The following BRMS1 variants were observed in gnomAD, a reference collection of about 807,000 sequenced individuals.
BRMS1 encodes the protein BRMS1 transcriptional repressor and anoikis regulator, also known as breast cancer metastasis-suppressor 1.
Under a neutral mutation model 40.4 loss-of-function variants are expected in BRMS1, and 26 were observed. The observed-to-expected ratio is 0.64, with a 90% CI of 0.47 to 0.89. BRMS1 has a LOEUF of 0.89. BRMS1 is among the 40% of genes least tolerant of loss of function. BRMS1 has a pLI of 0.00. For missense variants in BRMS1, 289 were observed against 309.4 expected (o/e 0.93, Z 0.49); for synonymous variants, 103 against 116.0 (o/e 0.89, Z 0.72).
chr11:66,340,966 C>T lies in BRMS1; in HGVS notation c.438+1G>A, dbSNP rs771116561. The stretch of plus-strand genomic sequence containing the variant: ...CCCCCAGTGTGCCCAATCAGGCCCA[C>T]CTCCAGGTGCTGTTTGGCTCCCTGC... On this transcript the variant is annotated splice_donor_variant, in intron 5 of 9. Transcript: ENST00000359957. LOFTEE classifies it high-confidence loss of function. 5.0e-6 allele frequency: 8 copies of T among 1,614,132 alleles called. No individual in the cohort carries two copies. In the South Asian group the frequency reaches 8.8e-5, roughly 18 times the overall value.
chr11:66,344,590 C>T (rs1291752550), intron 1 of BRMS1: 1 of 152,228 alleles, frequency 6.6e-6, no homozygotes, highest in Admixed American at 6.5e-5. Context: ...CCCACCTTAC[C>T]CCGGGTGCAA....
chr11:66,338,679 C>A (rs755263656), intron 8 of BRMS1, 42 bp downstream of exon 8: 5 of 1,613,416 alleles, frequency 3.1e-6, no homozygotes, highest in Non-Finnish European at 4.2e-6. Context: ...GGGTGGGGGG[C>A]CCTGAGGTGG....
intron 7 of BRMS1, 116 bp downstream of exon 7, chr11:66,340,005 A>G: frequency 2.6e-6 from 2 of 774,052 alleles, no homozygotes; most frequent in Non-Finnish European, 4.3e-6. Context: ...GACACCAAGC[A>G]ACCACGAGTG....
chr11:66,338,587 G>C (rs755065240), intron 8 of BRMS1, 134 bp downstream of exon 8: 24 of 1,562,134 alleles, frequency 1.5e-5, no homozygotes, highest in Admixed American at 7.6e-5. Flanking sequence ...AGCCAACTGC[G>C]ATCCAGGGAC....
Position 66,341,657 on chromosome 11 carries a change from G to A in BRMS1, c.140-34C>T, listed in dbSNP as rs1327967740. On this transcript the variant is annotated intron_variant, in intron 2 of 9. Transcript: ENST00000359957. This position sits in a 1 kb window ranked among gnomAD's most constrained non-coding sequence, Gnocchi z 4.9. ...AGAGGCCAGTAAGGGCTAGCTCTGG[G>A]GAGGAGTGGTGGGTACCCGCATGTG... The A allele has an allele frequency of 3.1e-6, 5 of 1,594,872 alleles. No homozygotes were observed. Among genetic ancestry groups the A allele is most frequent in the Admixed American group, 1.7e-5 (1 of 60,006 alleles).
intron 8 of BRMS1, 157 bp from the exon 9 acceptor site, chr11:66,338,439 T>C: frequency 6.6e-7 from 1 of 1,512,588 alleles, no homozygotes; most frequent in Non-Finnish European, 8.9e-7. Context: ...CCCATGCTCC[T>C]GACTGCTGGC....
At position 66,338,754 on chromosome 11, in the gene BRMS1, G is replaced by A. The variant is rs757130904; in HGVS notation, c.660C>T (p.Ile220=). Residue 220 remains isoleucine (I), a synonymous_variant, in exon 8 of 10, where the codon ATC becomes ATT. Coordinates refer to ENST00000359957, the MANE Select transcript of BRMS1 (RefSeq NM_015399.4). ...TGGCTGTCCAGTCCTCCAGGATGTC[G>A]ATCTCTTGAAGCATGTACACGATGT... ...GPYIVYMLQE[I]DILEDWTAIK... is the part of the protein sequence containing the mutation. 1.9e-5 allele frequency: 31 copies of A among 1,590,666 alleles called. No individual in the cohort carries two copies. The highest frequency in any genetic ancestry group is 1.7e-4 in the Middle Eastern group (1 of 5,958).
rs894284057 is a variant in BRMS1 at position 66,341,241 on chromosome 11, A to C, written c.323T>G (p.Leu108Arg). The change falls in exon 4 of 10, where the codon CTG becomes CGG. Residue 108 changes from leucine to arginine, a missense_variant. Physicochemically the swap from Leu to Arg is moderately radical, Grantham distance 102. Coordinates refer to ENST00000359957, the MANE Select transcript of BRMS1 (RefSeq NM_015399.4). This position sits in a 1 kb window ranked among gnomAD's most constrained non-coding sequence, Gnocchi z 4.9. The stretch of plus-strand genomic sequence containing the variant: ...AATGCGAATCTTGAGGCTCCGCTGC[A>C]GCCCCCCAAGGGGCTCCGTGTATTC... ...APEYTEPLGG[L>R]QRSLKIRIQV... 1 of 1,612,910 alleles carries C rather than the reference A, an allele frequency of 6.2e-7. No homozygotes were observed. The highest frequency in any genetic ancestry group is 1.3e-5 in the African/African-American group (1 of 74,886).
In BRMS1 at chr11:66,342,136, C is replaced by T; in HGVS notation, c.99G>A (p.Glu33=). 2.5e-6 allele frequency: 4 copies of T among 1,613,904 alleles called. No individual in the cohort carries two copies. Among genetic ancestry groups the T allele is most frequent in the Middle Eastern group, 3.3e-4 (2 of 6,062 alleles). ...MNGEEEESEE[E]RSGSQTESEE... ...CTGACTCTGTCTGGCTGCCGCTCCG[C>T]TCCTCCTCACTCTCTTCCTCCTCCC... The change falls in exon 2 of 10, where the codon GAG becomes GAA. Residue 33 remains glutamate, a synonymous_variant. Coordinates refer to ENST00000359957, the MANE Select transcript of BRMS1 (RefSeq NM_015399.4).
chr11:66,338,467 C>A (rs377277755), intron 8 of BRMS1, 185 bp from the exon 9 acceptor site: 3 of 1,512,686 alleles, frequency 2.0e-6, no homozygotes, highest in Non-Finnish European at 2.7e-6. Context: ...GCGGCTCTCC[C>A]GCCTCCCCGC....
At chr11:66,344,225 C>CA (rs1307183471) in intron 1 of BRMS1, among the ~76,000 whole-genome samples, 2 of 152,164 alleles carry the variant, frequency 1.3e-5, no homozygotes, top group Non-Finnish European at 2.9e-5. Flanking sequence ...ACAAATTTAA[C>CA]AAAAAAATTT....
chr11:66,342,630 G>A (rs575027101), intron 1 of BRMS1, among the ~76,000 whole-genome samples: 14 of 152,296 alleles, frequency 9.2e-5, no homozygotes, highest in East Asian at 5.8e-4. Context: ...GCAGTGGCAC[G>A]ATCTCAGCTC....
rs1855073067 is a variant in BRMS1, at chr11:66,341,484, C to T, written c.230+49G>A. 1 of 1,608,040 alleles carries T rather than the reference C, an allele frequency of 6.2e-7. No individual in the cohort carries two copies. The highest frequency in any genetic ancestry group is 8.5e-7 in the Non-Finnish European group (1 of 1,174,872). ...CTGCCCAGTACCAGGCCCACCACCT[C>T]CTCATCCCAGATCCTCGCAGACCCA... On this transcript the variant is annotated intron_variant, in intron 3 of 9. Coordinates refer to ENST00000359957, the MANE Select transcript of BRMS1 (RefSeq NM_015399.4). This position sits in a 1 kb window ranked among gnomAD's most constrained non-coding sequence, Gnocchi z 4.9.
intron 9 of BRMS1, 41 bp downstream of exon 9, chr11:66,338,202 C>T: frequency 6.2e-7 from 1 of 1,604,100 alleles, no homozygotes; most frequent in African/African-American, 1.3e-5. Context: ...AAGGTGATGG[C>T]AAGGGGGCAG....
intron 2 of BRMS1, 91 bp downstream of exon 2, chr11:66,342,005 T>C (rs1855094835): frequency 2.7e-5 from 38 of 1,405,254 alleles, no homozygotes; most frequent in Non-Finnish European, 3.6e-5. Flanking sequence ...TGCATGTGCG[T>C]GCATGCTTGT....
At position 66,345,001 on chromosome 11, in the gene BRMS1, C is replaced by G. The variant is rs1855173317; in HGVS notation, c.-37G>C. 6.6e-6 allele frequency: 1 copy of G among 152,294 alleles called. No individual in the cohort carries two copies. Among genetic ancestry groups the G allele is most frequent in the Non-Finnish European group, 1.5e-5 (1 of 68,074 alleles). 9.4% of individuals were successfully genotyped at this position (152,294 alleles called of 1,614,324 possible). A position where few individuals can be genotyped will look rare whatever the true frequency, so the allele number is the denominator to read the frequency against. On this transcript the variant is annotated 5_prime_UTR_variant, in exon 1 of 10. Coordinates refer to ENST00000359957, the MANE Select transcript of BRMS1 (RefSeq NM_015399.4). ...GGGACTGGAGCCTCTGGCCTCACGA[C>G]GGAGATTCCCTGAGAGCTGCCCGTG...
intron 1 of BRMS1, among the ~76,000 whole-genome samples, chr11:66,344,137 A>G (rs1215437632): frequency 1.3e-5 from 2 of 152,204 alleles, no homozygotes; most frequent in African/African-American, 4.8e-5. Context: ...TATGAGCCTC[A>G]CTAGGGCAGG....
At chr11:66,340,069 A>G in intron 7 of BRMS1, 52 bp downstream of exon 7, 2 of 1,495,626 alleles carry the variant, frequency 1.3e-6, no homozygotes, top group African/African-American at 1.4e-5. Context: ...CTGGGTCTGG[A>G]GTTGACCCTT....
rs36155294 is a variant in BRMS1, at chr11:66,342,088, G to T, written c.139+8C>A. On this transcript the variant is annotated splice_region_variant and intron_variant, in intron 2 of 9. Transcript: ENST00000359957. Reference sequence around the variant, plus strand: ...TGTGTGTGTGTGTCTGTGTGTGTAGGGGCTCACCGGAGCTCTCCTCTTCTG... The same window carrying T: ...TGTGTGTGTGTGTCTGTGTGTGTAGTGGCTCACCGGAGCTCTCCTCTTCTG... 2 of 1,611,844 alleles carry T rather than the reference G, an allele frequency of 1.2e-6. No homozygotes were observed. Among genetic ancestry groups the T allele is most frequent in the Non-Finnish European group, 1.7e-6 (2 of 1,179,708 alleles).
Sources: allele counts gnomAD v4.1 joint callset (sites outside exome capture counted in the v4.1 genomes callset), GRCh38; gene constraint gnomAD v4.1.1; non-coding constraint Gnocchi (gnomAD v3.1); transcripts MANE v1.5; gene names NCBI Gene and HGNC (gene_info 2026-07-23, HGNC 2026-07-21).